The following LAS1L variants were observed in gnomAD, a reference collection of about 807,000 sequenced individuals.
The protein encoded by LAS1L is ribosomal biogenesis protein LAS1L.
Under a neutral mutation model 57.3 loss-of-function variants are expected in LAS1L, and 5 were observed. That is an observed-to-expected ratio of 0.09 (90% CI 0.05 to 0.18). The LOEUF (loss-of-function observed/expected upper bound fraction) is 0.18. LAS1L is among the 10% of genes least tolerant of loss of function. LAS1L has a pLI of 1.00. For missense variants in LAS1L, 360 were observed against 568.3 expected, an observed-to-expected ratio of 0.63 and a Z score of 3.73; for synonymous variants, 245 against 231.7, an observed-to-expected ratio of 1.06 and a Z score of -0.52.
chrX:65,513,725 G>C (rs1306455442), intron 13 of LAS1L, among the ~76,000 whole-genome samples: 1 of 112,464 alleles, frequency 8.9e-6, no homozygotes, highest in Non-Finnish European at 1.9e-5. Flanking sequence ...CAGTGGGTGT[G>C]GGAGCTGGGC....
At chrX:65,513,928 T>G (rs2068532671) in intron 13 of LAS1L, among the ~76,000 whole-genome samples, 1 of 112,346 alleles carries the variant, frequency 8.9e-6, no homozygotes, top group Non-Finnish European at 1.9e-5. Flanking sequence ...ACCTCTCTTC[T>G]CCAAGAGGCC....
intron 12 of LAS1L, among the ~76,000 whole-genome samples, chrX:65,515,627 T>C (rs1471057700): frequency 9.1e-6 from 1 of 110,215 alleles, no homozygotes; most frequent in Non-Finnish European, 1.9e-5. Flanking sequence ...GTACACCCCT[T>C]TTCTAGGGAA....
intron 12 of LAS1L, 92 bp downstream of exon 12, chrX:65,517,895 C>T: frequency 1.8e-6 from 2 of 1,106,161 alleles, no homozygotes; most frequent in Non-Finnish European, 2.4e-6. Flanking sequence ...TGGCTACCTC[C>T]TGCTACTTTC....
At position 65,516,828 on chromosome X, in the gene LAS1L, C is replaced by T. The variant is rs769628985; in HGVS notation, c.1927+1159G>A. The stretch of plus-strand genomic sequence containing the variant: ...ATACACACACACACAGAGAGACAGA[C>T]TTTATGTTTTATGTTCCAGCCCTTC... On this transcript the variant is annotated intron_variant, in intron 12 of 13. Coordinates refer to ENST00000374811, the MANE Select transcript of LAS1L (RefSeq NM_031206.7). Among the ~76,000 whole-genome samples the T allele has an allele frequency of 3.6e-5, 4 of 111,112 alleles. No individual in the cohort carries two copies. The South Asian group carries it at 1.5e-3, about 43-fold the overall frequency.
chrX:65,514,574 C>CACACACACACA (rs1413435030), intron 13 of LAS1L, among the ~76,000 whole-genome samples: 1 of 97,587 alleles, frequency 1.0e-5, no homozygotes, highest in African/African-American at 4.8e-5. Flanking sequence ...ACACGTCCAT[C>CACACACACACA]CATAAGCACA....
chrX:65,517,448 T>G (rs1369973407), intron 12 of LAS1L, among the ~76,000 whole-genome samples: 2 of 110,010 alleles, frequency 1.8e-5, no homozygotes, highest in East Asian at 5.7e-4. Flanking sequence ...AGACACGGTT[T>G]CACCATGTTA....
chrX:65,534,337 C>T (rs1368832546), intron 1 of LAS1L, 143 bp downstream of exon 1: 1 of 461,948 alleles, frequency 2.2e-6, no homozygotes, highest in Non-Finnish European at 3.7e-6. Context: ...AGATGGCTGC[C>T]GCGTTCCCCC....
chrX:65,529,531 C>A, intron 5 of LAS1L, 63 bp downstream of exon 5: 2 of 1,092,829 alleles, frequency 1.8e-6, no homozygotes, highest in South Asian at 4.2e-5. Context: ...AAATAAACAG[C>A]GTTAACCCTA....
chrX:65,529,494 A>G (rs2069354064), intron 5 of LAS1L, 100 bp downstream of exon 5: 3 of 938,846 alleles, frequency 3.2e-6, no homozygotes, highest in Admixed American at 7.0e-5. Flanking sequence ...GATTCACCAC[A>G]GCCCCAGAGG....
At chrX:65,533,955 C>A (rs1436253887) in intron 1 of LAS1L, among the ~76,000 whole-genome samples, 1 of 112,028 alleles carries the variant, frequency 8.9e-6, no homozygotes, top group Admixed American at 9.5e-5. Context: ...GGACACCTAA[C>A]TGGTAGACTG....
At chrX:65,514,720 G>A in intron 13 of LAS1L, 103 bp downstream of exon 13, 1 of 834,833 alleles carries the variant, frequency 1.2e-6, no homozygotes, top group Non-Finnish European at 1.7e-6. Flanking sequence ...TTTAGGCCCT[G>A]ACTGGGGACA....
intron 12 of LAS1L, among the ~76,000 whole-genome samples, chrX:65,516,986 G>C (rs2068660506): frequency 9.0e-6 from 1 of 110,822 alleles, no homozygotes; most frequent in African/African-American, 3.3e-5. Flanking sequence ...TCCCTCCCCA[G>C]GCTTCAGCAC....
intron 12 of LAS1L, among the ~76,000 whole-genome samples, chrX:65,516,731 A>C (rs1453334058): frequency 1.9e-5 from 2 of 107,488 alleles, no homozygotes; most frequent in Non-Finnish European, 3.9e-5. Context: ...AAGAACCCCC[A>C]ACACAGCCCT....
chrX:65,531,537 T>A, intron 3 of LAS1L, 99 bp from the exon 4 acceptor site: 1 of 555,189 alleles, frequency 1.8e-6, no homozygotes. Context: ...CCTGCCCCAT[T>A]TTACAACTAG....
At chrX:65,529,514 G>A (rs2069355373) in intron 5 of LAS1L, 80 bp downstream of exon 5, 2 of 1,027,980 alleles carry the variant, frequency 1.9e-6, no homozygotes, top group Middle Eastern at 2.6e-4. Flanking sequence ...GAAATGCTGA[G>A]CCAGGGAAAT....
At chrX:65,530,604 C>T (rs1349207304) in intron 4 of LAS1L, among the ~76,000 whole-genome samples, 1 of 107,155 alleles carries the variant, frequency 9.3e-6, no homozygotes, top group African/African-American at 3.4e-5. Flanking sequence ...GTCAGGAGTT[C>T]GAGACTAGCC....
In LAS1L at chrX:65,525,031, A is replaced by G; in HGVS notation, c.976T>C (p.Phe326Leu). The G allele has an allele frequency of 8.3e-7, 1 of 1,209,077 alleles. No homozygotes were observed. The highest frequency in any genetic ancestry group is 1.1e-6 in the Non-Finnish European group (1 of 893,820). ...GGGACAAGGAAGCCATCATCCAGAA[A>G]AGCATCCAGCACAGCCTCCCTGGAA... is the stretch of plus-strand genomic sequence containing the variant. Reference protein sequence around the residue: ...CENREAVLDAFLDDGFLVPTF... With the variant: ...CENREAVLDALLDDGFLVPTF... The change falls in exon 8 of 14, where the codon TTT becomes CTT. Residue 326 changes from phenylalanine to leucine, a missense_variant. Coordinates refer to ENST00000374811, the MANE Select transcript of LAS1L (RefSeq NM_031206.7).
chrX:65,533,649 G>A lies in LAS1L; in HGVS notation c.323C>T (p.Thr108Ile), dbSNP rs752240758. ...GCCATAGAGCAGTCTAAGTTCATCA[G>A]TGCCCAAGCCACCAGTTACATCCAA... ...KLLDVTGGLGTDELRLLYGMA... is the reference protein window; with the variant it reads ...KLLDVTGGLGIDELRLLYGMA... Residue 108 changes from threonine (T) to isoleucine (I), a missense_variant, in exon 2 of 14, where the codon ACT becomes ATT. Thr to Ile is a moderately conservative substitution (Grantham distance 89). This residue lies in a region of LAS1L where 43 missense variants were observed against 78.0 expected (regional missense o/e 0.55). Transcript: ENST00000374811. The A allele has an allele frequency of 8.3e-7, 1 of 1,210,814 alleles. No homozygotes were observed. Among genetic ancestry groups the A allele is most frequent in the Non-Finnish European group, 1.1e-6 (1 of 894,912 alleles).
intron 13 of LAS1L, among the ~76,000 whole-genome samples, chrX:65,514,115 T>C (rs2068540297): frequency 8.9e-6 from 1 of 112,135 alleles, no homozygotes; most frequent in Non-Finnish European, 1.9e-5. Flanking sequence ...CAGGGGTTCC[T>C]CTCTAGTACT....
Sources: allele counts gnomAD v4.1 joint callset (sites outside exome capture counted in the v4.1 genomes callset), GRCh38; gene constraint gnomAD v4.1.1; regional missense constraint gnomAD v4.1.1; transcripts MANE v1.5; gene names NCBI Gene and HGNC (gene_info 2026-07-23, HGNC 2026-07-21).